RFX4: variants seen among roughly 807,000 people sequenced by gnomAD.
The protein encoded by RFX4 is transcription factor RFX4.
In RFX4, 10 loss-of-function variants were observed where a neutral mutation model predicts 95.0. The observed-to-expected ratio is 0.11, with a 90% CI of 0.06 to 0.18. The LOEUF is 0.18. RFX4 is among the 10% of genes least tolerant of loss of function. RFX4 has a pLI of 1.00. For missense variants in RFX4, 640 were observed against 922.0 expected (o/e 0.69, Z 3.96); for synonymous variants, 321 against 340.7 (o/e 0.94, Z 0.64).
chr12:106,674,105 C>T (rs866938594), intron 4 of RFX4, among the ~76,000 whole-genome samples: 1 of 152,230 alleles, frequency 6.6e-6, no homozygotes, highest in Non-Finnish European at 1.5e-5. Context: ...GCCACTCCCT[C>T]GCCCACTGGC....
In RFX4 at chr12:106,612,836, T is replaced by C. The variant is rs576727210; in HGVS notation, c.130+3953T>C. On this transcript the variant is annotated intron_variant, in intron 2 of 17. Transcript: ENST00000392842. ...CTGGGTGACAGAGCGAGACTACGTC[T>C]CAAAAAAAAAAAAAAGATGATTTCA... is the stretch of plus-strand genomic sequence containing the variant. Among the ~76,000 whole-genome samples, 98 of 147,514 alleles carry C rather than the reference T, an allele frequency of 6.6e-4. 1 individual carries two copies. The highest frequency in any genetic ancestry group is 1.2e-3 in the Non-Finnish European group (82 of 66,986).
At position 106,716,110 on chromosome 12, in the gene RFX4, G is replaced by T. The variant is rs111703340; in HGVS notation, c.1138+566G>T. 8.3e-3 allele frequency among the ~76,000 whole-genome samples: 1,263 copies of T among 152,274 alleles called. 25 individuals are homozygous for T. The highest frequency in any genetic ancestry group is 0.029 in the African/African-American group (1,206 of 41,542). On this transcript the variant is annotated intron_variant, in intron 11 of 17. Transcript: ENST00000392842. ...TCAACCCCATGTAGGCAGGATGTTT[G>T]ATCTTGGTACTAAAGCAATATGAGA...
intron 16 of RFX4, among the ~76,000 whole-genome samples, chr12:106,749,828 C>A (rs1398940118): frequency 2.0e-5 from 3 of 152,162 alleles, no homozygotes; most frequent in African/African-American, 7.2e-5. Flanking sequence ...GAACCAGGGT[C>A]TTTGATGCCT....
intron 1 of RFX4, among the ~76,000 whole-genome samples, chr12:106,597,276 C>T (rs1365208196): frequency 2.0e-5 from 3 of 151,902 alleles, no homozygotes; most frequent in Non-Finnish European, 4.4e-5. Flanking sequence ...GAAATTGAGG[C>T]CCATGAGGTT....
chr12:106,663,761 T>C (rs1244497367), intron 4 of RFX4, among the ~76,000 whole-genome samples: 1 of 151,818 alleles, frequency 6.6e-6, no homozygotes, highest in Non-Finnish European at 1.5e-5. Flanking sequence ...AAAGCGTTTT[T>C]TTTTTTTCAA....
At chr12:106,747,165 T>C (rs950002059) in intron 15 of RFX4, among the ~76,000 whole-genome samples, 2 of 151,540 alleles carry the variant, frequency 1.3e-5, no homozygotes, top group South Asian at 4.2e-4. Flanking sequence ...GAAGAATGAG[T>C]GGGTAATAAG....
chr12:106,729,497 G>T (rs1211854952), intron 13 of RFX4, among the ~76,000 whole-genome samples: 1 of 152,120 alleles, frequency 6.6e-6, no homozygotes, highest in Non-Finnish European at 1.5e-5. Flanking sequence ...AGCACATAAC[G>T]ATTGAGGAGC....
At chr12:106,708,747 C>T (rs2042136732) in intron 8 of RFX4, among the ~76,000 whole-genome samples, 1 of 152,204 alleles carries the variant, frequency 6.6e-6, no homozygotes, top group Non-Finnish European at 1.5e-5. Context: ...CTTATTGCAA[C>T]CTACTGCCCT....
intron 4 of RFX4, among the ~76,000 whole-genome samples, chr12:106,677,440 G>A (rs928693133): frequency 2.4e-4 from 37 of 152,086 alleles, no homozygotes; most frequent in African/African-American, 8.7e-4. Flanking sequence ...ATCACAGAGG[G>A]CCTCATGGAC....
At chr12:106,749,239 G>A (rs1287959520) in intron 16 of RFX4, among the ~76,000 whole-genome samples, 6 of 144,360 alleles carry the variant, frequency 4.2e-5, no homozygotes, top group African/African-American at 1.6e-4. Flanking sequence ...CTGGAGAATA[G>A]AGCGATATAC....
intron 1 of RFX4, among the ~76,000 whole-genome samples, chr12:106,599,311 AC>A (rs761977960): frequency 5.9e-5 from 9 of 151,992 alleles, no homozygotes; most frequent in African/African-American, 9.7e-5. Flanking sequence ...CACCTATTGT[AC>A]AATTGGTGTT....
chr12:106,599,433 C>A (rs2039667177), intron 1 of RFX4, among the ~76,000 whole-genome samples: 1 of 152,040 alleles, frequency 6.6e-6, no homozygotes, highest in Non-Finnish European at 1.5e-5. Flanking sequence ...CCCTGCTCAG[C>A]AGCTTAACAA....
intron 1 of RFX4, among the ~76,000 whole-genome samples, chr12:106,607,629 G>A (rs1001628135): frequency 6.6e-6 from 1 of 152,094 alleles, no homozygotes; most frequent in Non-Finnish European, 1.5e-5. Context: ...TGAAATAAAT[G>A]GAGCATAAAA....
chr12:106,696,555 A>G, intron 8 of RFX4, 109 bp downstream of exon 8: 1 of 1,121,232 alleles, frequency 8.9e-7, no homozygotes, highest in South Asian at 2.0e-5. Context: ...TCCCTTGTAA[A>G]GACCATTAAT....
intron 9 of RFX4, among the ~76,000 whole-genome samples, chr12:106,709,782 C>A (rs537916534): frequency 2.0e-5 from 3 of 152,268 alleles, no homozygotes; most frequent in Admixed American, 6.5e-5. Context: ...AAAGTAGTAT[C>A]CCTGTTCTAC....
intron 11 of RFX4, among the ~76,000 whole-genome samples, chr12:106,716,951 C>T (rs2042305017): frequency 7.3e-6 from 1 of 137,818 alleles, no homozygotes; most frequent in Non-Finnish European, 1.5e-5. Context: ...GTCCCAGCTT[C>T]ATCACCAGGC....
At chr12:106,724,714 C>CA (rs1398147127) in intron 13 of RFX4, among the ~76,000 whole-genome samples, 1 of 151,948 alleles carries the variant, frequency 6.6e-6, no homozygotes, top group Non-Finnish European at 1.5e-5. Flanking sequence ...AAAACAACAA[C>CA]AAAAAACTAT....
intron 8 of RFX4, among the ~76,000 whole-genome samples, chr12:106,700,224 G>A (rs1470348806): frequency 1.3e-5 from 2 of 151,690 alleles, no homozygotes; most frequent in Non-Finnish European, 2.9e-5. Context: ...GTAGAGATGG[G>A]GTCTTGCCAT....
At chr12:106,600,344 C>T (rs17287320) in intron 1 of RFX4, among the ~76,000 whole-genome samples, 16,195 of 152,220 alleles carry the variant, frequency 0.11, 905 homozygotes, top group South Asian at 0.17. Context: ...AATGCTGCTT[C>T]CTCCAAGAAG....
Sources: allele counts gnomAD v4.1 joint callset (sites outside exome capture counted in the v4.1 genomes callset), GRCh38; gene constraint gnomAD v4.1.1; transcripts MANE v1.5; gene names NCBI Gene and HGNC (gene_info 2026-07-23, HGNC 2026-07-21).